The following TRDN variants were observed in gnomAD, a reference collection of about 807,000 sequenced individuals.
TRDN encodes the protein triadin in skeletal muscle.
TRDN carries 161 observed loss-of-function variants against 149.7 expected under a neutral mutation model. That is an observed-to-expected ratio of 1.08 (90% confidence interval 0.95 to 1.23). The LOEUF (loss-of-function observed/expected upper bound fraction) is 1.23, where lower values mean the gene tolerates loss of function less well. Among genes scored for constraint, TRDN ranks in the 50% most tolerant of loss-of-function variants. The pLI is 0.00. For missense variants in TRDN, 896 were observed against 823.5 expected, an observed-to-expected ratio of 1.09 and a Z score of -1.08; for synonymous variants, 294 against 250.5, an observed-to-expected ratio of 1.17 and a Z score of -1.64.
rs911693590 is a variant in TRDN, at chr6:123,406,577, C to T, written c.1052-12900G>A. On this transcript the variant is annotated intron_variant, in intron 12 of 40. Transcript: ENST00000334268. ...ATATATAATATTAAATTTTATTTTCCGTCATATGCATGTATATAAAATGAA... is the reference window on the plus strand; with the variant it reads ...ATATATAATATTAAATTTTATTTTCTGTCATATGCATGTATATAAAATGAA... Among the ~76,000 whole-genome samples, 11 of 151,310 alleles carry T rather than the reference C, an allele frequency of 7.3e-5. No individual in the cohort carries two copies. The East Asian group carries it at 7.8e-4, about 11-fold the overall frequency.
chr6:123,452,952 C>T (rs888695257), intron 10 of TRDN, among the ~76,000 whole-genome samples: 2 of 151,932 alleles, frequency 1.3e-5, no homozygotes, highest in Admixed American at 6.6e-5. Context: ...AACCCGAATA[C>T]TTACAGCCAA....
At chr6:123,287,967 T>C (rs571088928) in intron 24 of TRDN, among the ~76,000 whole-genome samples, 2 of 152,104 alleles carry the variant, frequency 1.3e-5, no homozygotes, top group Admixed American at 1.3e-4. Context: ...TTTTCTATAT[T>C]TTCCAAATTT....
chr6:123,540,114 C>A (rs11154177), intron 4 of TRDN, among the ~76,000 whole-genome samples: 10,193 of 152,222 alleles, frequency 0.067, 469 homozygotes, highest in Middle Eastern at 0.13. Context: ...CCATGCTAAC[C>A]CACCCTTCAT....
chr6:123,385,293 T>A (rs1418024706), intron 14 of TRDN, among the ~76,000 whole-genome samples: 1 of 151,898 alleles, frequency 6.6e-6, no homozygotes, highest in East Asian at 1.9e-4. Flanking sequence ...CCGGGTGTGG[T>A]AGCAGCCGCC....
chr6:123,598,858 T>C (rs969467470), intron 1 of TRDN, among the ~76,000 whole-genome samples: 2 of 152,080 alleles, frequency 1.3e-5, no homozygotes, highest in African/African-American at 4.8e-5. Flanking sequence ...TTACATGTTT[T>C]TTAAATTTGG....
intron 14 of TRDN, among the ~76,000 whole-genome samples, chr6:123,386,744 C>G (rs1036467314): frequency 3.2e-4 from 49 of 152,134 alleles, no homozygotes; most frequent in African/African-American, 1.1e-3. Flanking sequence ...GGATTAGCTC[C>G]TCAGCAATGA....
At chr6:123,342,278 C>A (rs898909958) in intron 21 of TRDN, among the ~76,000 whole-genome samples, 15 of 151,766 alleles carry the variant, frequency 9.9e-5, no homozygotes, top group African/African-American at 3.4e-4. Flanking sequence ...CTATTAACTT[C>A]TATTTTAATG....
In TRDN at chr6:123,503,752, C is replaced by G; in HGVS notation, c.760G>C (p.Glu254Gln). 6.2e-7 allele frequency: 1 copy of G among 1,613,708 alleles called. No homozygotes were observed. Among genetic ancestry groups the G allele is most frequent in the Non-Finnish European group, 8.5e-7 (1 of 1,179,786 alleles). ...PSKPKEKEDK[E>Q]KAAVSKHEQK... ...TCATGCTTTGACACAGCTGCTTTCTCTTTGTCCTCCTTTTCTTTGGGTTTT... is the reference window on the plus strand; with the variant it reads ...TCATGCTTTGACACAGCTGCTTTCTGTTTGTCCTCCTTTTCTTTGGGTTTT... Residue 254 changes from glutamate (E) to glutamine (Q), a missense_variant, in exon 8 of 41, where the codon GAG (glutamate) becomes CAG (glutamine). Glu to Gln is a conservative substitution (Grantham distance 29). Transcript: ENST00000334268.
intron 24 of TRDN, among the ~76,000 whole-genome samples, chr6:123,296,974 A>T (rs1778225789): frequency 6.6e-6 from 1 of 152,154 alleles, no homozygotes; most frequent in African/African-American, 2.4e-5. Flanking sequence ...GATAAGAAGT[A>T]GAAATATTAT....
chr6:123,409,909 T>A (rs1472651260), intron 12 of TRDN, among the ~76,000 whole-genome samples: 1 of 152,114 alleles, frequency 6.6e-6, no homozygotes, highest in Non-Finnish European at 1.5e-5. Flanking sequence ...GGATAAGGAT[T>A]TGAACAAAGA....
At chr6:123,455,443 T>G (rs948577635) in intron 10 of TRDN, among the ~76,000 whole-genome samples, 1 of 151,734 alleles carries the variant, frequency 6.6e-6, no homozygotes, top group African/African-American at 2.4e-5. Context: ...TGTGTGTCTG[T>G]GTGTGTTAGA....
chr6:123,282,351 T>C (rs1003461508), intron 24 of TRDN, among the ~76,000 whole-genome samples: 1 of 151,994 alleles, frequency 6.6e-6, no homozygotes, highest in African/African-American at 2.4e-5. Context: ...ATCTGTTTTA[T>C]ACCAAATTTC....
Position 123,273,030 on chromosome 6 carries a change from A to T in TRDN, c.1625-19T>A. The T allele has an allele frequency of 6.8e-7, 1 of 1,465,110 alleles. No homozygotes were observed. Among genetic ancestry groups the T allele is most frequent in the Non-Finnish European group, 9.1e-7 (1 of 1,100,926 alleles). 90.8% of individuals were successfully genotyped at this position (1,465,110 alleles called of 1,614,324 possible). ...TCTTGTTCTGAAAATAATAAAAAGA[A>T]AATCTTTTTTAGGTATTTAGAAGCT... On this transcript the variant is annotated intron_variant, in intron 28 of 40. Coordinates refer to ENST00000334268, the MANE Select transcript of TRDN (RefSeq NM_006073.4).
At chr6:123,232,927 A>G (rs1775659813) in intron 38 of TRDN, among the ~76,000 whole-genome samples, 1 of 152,038 alleles carries the variant, frequency 6.6e-6, no homozygotes, top group Non-Finnish European at 1.5e-5. Context: ...CAGTTACTCT[A>G]TGTTCATCTC....
chr6:123,271,757 C>T (rs973947496), intron 29 of TRDN, among the ~76,000 whole-genome samples: 3 of 151,946 alleles, frequency 2.0e-5, no homozygotes, highest in African/African-American at 4.8e-5. Flanking sequence ...ACTTCTCAAG[C>T]ATTTCACACT....
chr6:123,409,690 TACAC>T (rs5879677), intron 12 of TRDN, among the ~76,000 whole-genome samples: 16 of 149,408 alleles, frequency 1.1e-4, no homozygotes, highest in South Asian at 4.3e-4. Flanking sequence ...TAATGTAATT[TACAC>T]ACACACACAC....
intron 9 of TRDN, among the ~76,000 whole-genome samples, chr6:123,465,607 G>C (rs1377303951): frequency 1.5e-5 from 2 of 134,002 alleles, no homozygotes; most frequent in Admixed American, 1.5e-4. Context: ...AAAAAAAAGA[G>C]AGAGAGAGAG....
intron 8 of TRDN, chr6:123,498,307 G>C (rs1052745875): frequency 1.5e-5 from 4 of 273,560 alleles, no homozygotes; most frequent in African/African-American, 8.8e-5. Context: ...ACACCTCTAA[G>C]GATTTTTGTA....
chr6:123,266,878 G>A (rs1388206516), intron 32 of TRDN, among the ~76,000 whole-genome samples: 1 of 142,346 alleles, frequency 7.0e-6, no homozygotes, highest in Non-Finnish European at 1.5e-5. Context: ...GGAGGCCGAG[G>A]TGGGTGGATC....
Sources: allele counts gnomAD v4.1 joint callset (sites outside exome capture counted in the v4.1 genomes callset), GRCh38; gene constraint gnomAD v4.1.1; transcripts MANE v1.5; gene names NCBI Gene and HGNC (gene_info 2026-07-23, HGNC 2026-07-21).